SPTBN1: variants seen among roughly 807,000 people sequenced by gnomAD.
SPTBN1 encodes spectrin beta chain, non-erythrocytic 1.
Under a neutral mutation model 266.4 loss-of-function variants are expected in SPTBN1, and 32 were observed. The ratio of observed to expected loss-of-function variants is 0.12; its 90% CI spans 0.09 to 0.16. The LOEUF (loss-of-function observed/expected upper bound fraction) is 0.16, where lower values mean the gene tolerates loss of function less well. Among genes scored for constraint, SPTBN1 ranks in the 10% least tolerant of loss-of-function variants. The probability of loss-of-function intolerance (pLI) is 1.00; values close to 1 mark genes in which losing one functional copy is unlikely to be tolerated. For missense variants in SPTBN1, 2,296 were observed against 3,067.1 expected, an observed-to-expected ratio of 0.75 and a Z score of 5.94; for synonymous variants, 1,336 against 1,162.2, an observed-to-expected ratio of 1.15 and a Z score of -3.04.
At chr2:54,469,531 A>G (rs1693811090) in intron 1 of SPTBN1, among the ~76,000 whole-genome samples, 1 of 152,206 alleles carries the variant, frequency 6.6e-6, no homozygotes, top group Non-Finnish European at 1.5e-5. Context: ...AAAGCCCATC[A>G]AGGGAAATGC....
At chr2:54,507,700 A>G (rs1669645640) in intron 1 of SPTBN1, among the ~76,000 whole-genome samples, 1 of 152,038 alleles carries the variant, frequency 6.6e-6, no homozygotes. Flanking sequence ...TTGGTTGGCA[A>G]GCTTTTAGGC....
intron 1 of SPTBN1, among the ~76,000 whole-genome samples, chr2:54,465,359 A>C (rs1305970365): frequency 6.6e-6 from 1 of 152,146 alleles, no homozygotes; most frequent in Non-Finnish European, 1.5e-5. Context: ...GGAAACCTAA[A>C]CACTGCTACT....
intron 1 of SPTBN1, 22 bp from the exon 2 acceptor site, chr2:54,526,350 T>C: frequency 6.3e-7 from 1 of 1,585,490 alleles, no homozygotes; most frequent in Non-Finnish European, 8.6e-7. Context: ...CGTCTAAATG[T>C]TTTTCCTTTT....
At chr2:54,498,890 T>C (rs978622900) in intron 1 of SPTBN1, among the ~76,000 whole-genome samples, 1 of 152,208 alleles carries the variant, frequency 6.6e-6, no homozygotes, top group African/African-American at 2.4e-5. Flanking sequence ...GGTCCCGCAG[T>C]GTTTTCACCT....
chr2:54,564,799 A>G (rs147085625), intron 2 of SPTBN1, among the ~76,000 whole-genome samples: 35 of 152,274 alleles, frequency 2.3e-4, no homozygotes, highest in Middle Eastern at 3.4e-3. Flanking sequence ...GCGCTTGATC[A>G]TTCACCTGTG....
rs1034832303 is a variant in SPTBN1, at chr2:54,649,391, G to A, written c.5202+201G>A. ...AACCTCTCTGTGCACCCCTTCCTCCGGTAGTAAAAGGAGGTGGAGGTAGTG... is the reference window on the plus strand; with the variant it reads ...AACCTCTCTGTGCACCCCTTCCTCCAGTAGTAAAAGGAGGTGGAGGTAGTG... On this transcript the variant is annotated intron_variant, in intron 25 of 35. Transcript: ENST00000356805. This position sits in a 1 kb window ranked among gnomAD's most constrained non-coding sequence, Gnocchi z 6.7. 3.3e-5 allele frequency among the ~76,000 whole-genome samples: 5 copies of A among 152,154 alleles called. No individual in the cohort carries two copies. The highest frequency in any genetic ancestry group is 3.9e-4 in the East Asian group (2 of 5,194).
At chr2:54,475,276 T>C (rs1667769093) in intron 1 of SPTBN1, among the ~76,000 whole-genome samples, 1 of 152,228 alleles carries the variant, frequency 6.6e-6, no homozygotes, top group South Asian at 2.1e-4. Context: ...AACAGCTTAT[T>C]CTTTAAAAGC....
chr2:54,597,593 C>T (rs773934159), intron 2 of SPTBN1, among the ~76,000 whole-genome samples: 14 of 152,300 alleles, frequency 9.2e-5, no homozygotes, highest in Non-Finnish European at 2.1e-4. Flanking sequence ...TGGCAGGTGC[C>T]CCAGCTGATT....
chr2:54,526,268 T>C lies in SPTBN1; in HGVS notation c.-47-104T>C, dbSNP rs1670808674. 1.1e-5 allele frequency: 10 copies of C among 907,970 alleles called. 1 individual carries two copies. In the South Asian group the frequency reaches 2.0e-4, roughly 18 times the overall value. 56.2% of individuals were successfully genotyped at this position (907,970 alleles called of 1,614,324 possible). A position where few individuals can be genotyped will look rare whatever the true frequency, so the allele number is the denominator to read the frequency against. On this transcript the variant is annotated intron_variant, in intron 1 of 35. Coordinates refer to ENST00000356805, the MANE Select transcript of SPTBN1 (RefSeq NM_003128.3). ...AGCATTGCTCCAGAAGACCTATTCT[T>C]GGCAAGCACTGTTTTTATTTTCTGC... is the stretch of plus-strand genomic sequence containing the variant.
chr2:54,586,213 G>C (rs1675281064), intron 2 of SPTBN1, among the ~76,000 whole-genome samples: 2 of 152,168 alleles, frequency 1.3e-5, no homozygotes, highest in African/African-American at 4.8e-5. Context: ...GTAGACAACT[G>C]TGATTGTGGA....
chr2:54,598,965 G>A (rs1252510927), intron 2 of SPTBN1, 127 bp from the exon 3 acceptor site: 2 of 958,828 alleles, frequency 2.1e-6, no homozygotes, highest in Admixed American at 2.2e-5. Flanking sequence ...GGGGCGCTAA[G>A]TAGAGGTGTC....
chr2:54,624,852 C>A lies in SPTBN1; in HGVS notation c.1231C>A (p.Arg411=), dbSNP rs879244188. The change falls in exon 11 of 36, where the codon CGG becomes AGG. Residue 411 remains arginine, a synonymous_variant. Transcript: ENST00000356805. ...KAEHERELAL[R]NELIRQEKLE... Reference sequence around the variant, plus strand: ...GGAACACGAAAGAGAACTGGCTTTGCGGAATGAGCTCATAAGACAGGAGAA... The same window carrying A: ...GGAACACGAAAGAGAACTGGCTTTGAGGAATGAGCTCATAAGACAGGAGAA... 36 of 1,614,066 alleles carry A rather than the reference C, an allele frequency of 2.2e-5. No individual in the cohort carries two copies. The highest frequency in any genetic ancestry group is 3.0e-5 in the Non-Finnish European group (35 of 1,180,010).
intron 19 of SPTBN1, 92 bp downstream of exon 19, chr2:54,643,221 A>T: frequency 6.5e-7 from 1 of 1,542,076 alleles, no homozygotes; most frequent in East Asian, 2.3e-5. Context: ...AGCATATCTG[A>T]TCTTATCTGT....
At chr2:54,473,309 A>C (rs886520362) in intron 1 of SPTBN1, among the ~76,000 whole-genome samples, 60 of 152,358 alleles carry the variant, frequency 3.9e-4, no homozygotes, top group African/African-American at 1.3e-3. Flanking sequence ...TTTTTATAAC[A>C]TAGAAAAATA....
At position 54,533,900 on chromosome 2, in the gene SPTBN1, T is replaced by TCACA. The variant is rs70944176; in HGVS notation, c.148+7358_148+7361dup. On this transcript the variant is annotated intron_variant, in intron 2 of 35. Transcript: ENST00000356805. The surrounding 1 kb of genome is among the most constrained non-coding windows in gnomAD (Gnocchi z 4.2). ...ATTGATCTCTCTCTCTGTCTCTCTCTCACACACACACACACACACACACAC... is the reference window on the plus strand; with the variant it reads ...ATTGATCTCTCTCTCTGTCTCTCTCTCACACACACACACACACACACACACACAC... Among the ~76,000 whole-genome samples the TCACA allele has an allele frequency of 8.1e-4, 122 of 150,330 alleles. No individual in the cohort carries two copies. Among genetic ancestry groups the TCACA allele is most frequent in the East Asian group, 5.8e-3 (29 of 4,960 alleles).
intron 2 of SPTBN1, among the ~76,000 whole-genome samples, chr2:54,596,140 GA>G (rs942753084): frequency 6.6e-6 from 1 of 152,128 alleles, no homozygotes; most frequent in Non-Finnish European, 1.5e-5. Context: ...ACAGCAGCTT[GA>G]GCTTGGAAGC....
At chr2:54,473,064 CTT>C (rs1335063318) in intron 1 of SPTBN1, among the ~76,000 whole-genome samples, 2 of 152,070 alleles carry the variant, frequency 1.3e-5, no homozygotes, top group African/African-American at 4.8e-5. Context: ...CTGAAAATGG[CTT>C]TGTTTCTTTT....
intron 17 of SPTBN1, among the ~76,000 whole-genome samples, chr2:54,636,937 A>G (rs1679186582): frequency 6.6e-6 from 1 of 152,212 alleles, no homozygotes; most frequent in African/African-American, 2.4e-5. Context: ...ATCCTTTGCT[A>G]GGCATTCACG....
At position 54,649,962 on chromosome 2, in the gene SPTBN1, G is replaced by A. The variant is rs1473334900; in HGVS notation, c.5550G>A (p.Glu1850=). 1 of 1,611,674 alleles carries A rather than the reference G, an allele frequency of 6.2e-7. No individual in the cohort carries two copies. Among genetic ancestry groups the A allele is most frequent in the Non-Finnish European group, 8.5e-7 (1 of 1,178,550 alleles). ...TACAGAGAATGCACACTACATTTGA[G>A]CATGACATCCAGGCTCTGGGCACAC... ...ETLQRMHTTF[E]HDIQALGTQV... is the part of the protein sequence containing the mutation. The change falls in exon 26 of 36, where the codon GAG becomes GAA. Residue 1850 remains glutamate (E), a synonymous_variant. Coordinates refer to ENST00000356805, the MANE Select transcript of SPTBN1 (RefSeq NM_003128.3). This position sits in a 1 kb window ranked among gnomAD's most constrained non-coding sequence, Gnocchi z 6.7.
Sources: allele counts gnomAD v4.1 joint callset (sites outside exome capture counted in the v4.1 genomes callset), GRCh38; gene constraint gnomAD v4.1.1; non-coding constraint Gnocchi (gnomAD v3.1); transcripts MANE v1.5; gene names NCBI Gene and HGNC (gene_info 2026-07-23, HGNC 2026-07-21).